GRIA4: variants seen among roughly 807,000 people sequenced by gnomAD.
GRIA4 encodes glutamate ionotropic receptor AMPA type subunit 4.
GRIA4 carries 34 observed loss-of-function variants against 104.0 expected under a neutral mutation model. The observed-to-expected ratio is 0.33, with a 90% confidence interval of 0.25 to 0.44. The LOEUF (loss-of-function observed/expected upper bound fraction) is 0.44. GRIA4 is among the 20% of genes least tolerant of loss of function. The pLI is 1.00. For missense variants in GRIA4, 750 were observed against 1,096.5 expected (o/e 0.68, Z 4.46); for synonymous variants, 386 against 381.9 (o/e 1.01, Z -0.13).
intron 3 of GRIA4, among the ~76,000 whole-genome samples, chr11:105,704,331 C>T (rs1484232412): frequency 1.3e-5 from 2 of 151,920 alleles, no homozygotes; most frequent in Non-Finnish European, 2.9e-5. Flanking sequence ...TGAAAGATGG[C>T]TAAGAATTGA....
chr11:105,812,890 A>G (rs1241979541), intron 4 of GRIA4, among the ~76,000 whole-genome samples: 1 of 152,108 alleles, frequency 6.6e-6, no homozygotes, highest in African/African-American at 2.4e-5. Context: ...TCACGAGGTC[A>G]GGAGATCGAG....
At chr11:105,949,801 G>A (rs1025110552) in intron 14 of GRIA4, among the ~76,000 whole-genome samples, 10 of 152,276 alleles carry the variant, frequency 6.6e-5, no homozygotes, top group African/African-American at 2.2e-4. Flanking sequence ...ATATAGTTAG[G>A]ACTATAAGGA....
intron 3 of GRIA4, among the ~76,000 whole-genome samples, chr11:105,622,165 C>A (rs1052913383): frequency 2.0e-5 from 3 of 151,690 alleles, no homozygotes; most frequent in African/African-American, 7.3e-5. Flanking sequence ...TTTGTTTAGT[C>A]AAACTTGTGA....
At chr11:105,753,557 T>C (rs540035837) in intron 4 of GRIA4, among the ~76,000 whole-genome samples, 1 of 152,078 alleles carries the variant, frequency 6.6e-6, no homozygotes, top group South Asian at 2.1e-4. Context: ...TGTGTGGAGG[T>C]TATTCCCATA....
chr11:105,858,084 A>G (rs1401014626), intron 4 of GRIA4, among the ~76,000 whole-genome samples: 1 of 152,138 alleles, frequency 6.6e-6, no homozygotes, highest in African/African-American at 2.4e-5. Context: ...TGATATCATA[A>G]CACTTAAAAA....
chr11:105,868,980 A>T (rs948364762), intron 5 of GRIA4, among the ~76,000 whole-genome samples: 2 of 152,146 alleles, frequency 1.3e-5, no homozygotes, highest in African/African-American at 4.8e-5. Context: ...AAGTCCTATT[A>T]TGATGCACTA....
intron 6 of GRIA4, among the ~76,000 whole-genome samples, chr11:105,889,515 C>T (rs1946388406): frequency 6.6e-6 from 1 of 151,832 alleles, no homozygotes; most frequent in Non-Finnish European, 1.5e-5. Flanking sequence ...TTGAGCCAAT[C>T]AACAACTATT....
chr11:105,900,360 G>C (rs1319786372), intron 7 of GRIA4, among the ~76,000 whole-genome samples: 1 of 151,872 alleles, frequency 6.6e-6, no homozygotes, highest in Non-Finnish European at 1.5e-5. Context: ...CATTCTATAG[G>C]CCAATCAGGC....
chr11:105,851,604 G>C (rs558190759), intron 4 of GRIA4, among the ~76,000 whole-genome samples: 16 of 152,224 alleles, frequency 1.1e-4, no homozygotes, highest in Non-Finnish European at 2.2e-4. Context: ...GAAGTTGCCA[G>C]TGAGTGTAGG....
At chr11:105,883,240 C>G (rs1946128816) in intron 5 of GRIA4, among the ~76,000 whole-genome samples, 1 of 151,516 alleles carries the variant, frequency 6.6e-6, no homozygotes, top group African/African-American at 2.4e-5. Context: ...GAACTCTAAA[C>G]AGACGATCAT....
In GRIA4 at chr11:105,612,756, G is replaced by A. The variant is rs1175020409; in HGVS notation, c.247+322G>A. ...CATTTTAGTGTTATTCCTATCATCC[G>A]AATGTCAATTTAGTGAAAATTGTAC... On this transcript the variant is annotated intron_variant, in intron 3 of 16. Coordinates refer to ENST00000282499, the MANE Select transcript of GRIA4 (RefSeq NM_000829.4). 4 of 217,106 alleles carry A rather than the reference G, an allele frequency of 1.8e-5. No homozygotes were observed. In the East Asian group the frequency reaches 3.0e-4, roughly 16 times the overall value. The allele number at this position is 217,106 out of a possible 1,614,324, so 13.4% of individuals were successfully genotyped here.
At chr11:105,934,960 T>C (rs1947990151) in intron 14 of GRIA4, among the ~76,000 whole-genome samples, 1 of 152,160 alleles carries the variant, frequency 6.6e-6, no homozygotes, top group African/African-American at 2.4e-5. Flanking sequence ...ACCAAGAACC[T>C]GATCTTAAAA....
intron 4 of GRIA4, among the ~76,000 whole-genome samples, chr11:105,780,181 C>T (rs1417532200): frequency 6.6e-6 from 1 of 151,986 alleles, no homozygotes; most frequent in East Asian, 1.9e-4. Context: ...TTACTGCCTA[C>T]TAAGAACAGG....
chr11:105,868,598 GC>G (rs1200164180), intron 5 of GRIA4, among the ~76,000 whole-genome samples: 1 of 152,108 alleles, frequency 6.6e-6, no homozygotes, highest in African/African-American at 2.4e-5. Flanking sequence ...TACCTGGGAG[GC>G]TTTCTTGTCC....
At chr11:105,649,480 G>C (rs1417404660) in intron 3 of GRIA4, among the ~76,000 whole-genome samples, 1 of 152,050 alleles carries the variant, frequency 6.6e-6, no homozygotes, top group African/African-American at 2.4e-5. Flanking sequence ...AATTCTATTT[G>C]ATAGACAAGG....
chr11:105,914,471 T>C (rs1479583331), intron 10 of GRIA4, among the ~76,000 whole-genome samples: 1 of 152,252 alleles, frequency 6.6e-6, no homozygotes, highest in East Asian at 1.9e-4. Context: ...TAGTTCCACT[T>C]TTGCTAAATG....
At chr11:105,725,575 T>C (rs890698483) in intron 3 of GRIA4, among the ~76,000 whole-genome samples, 2 of 152,080 alleles carry the variant, frequency 1.3e-5, no homozygotes, top group African/African-American at 4.8e-5. Context: ...GAATCATTAA[T>C]TAAAAGAAGG....
At chr11:105,950,724 C>T (rs1013654655) in intron 14 of GRIA4, among the ~76,000 whole-genome samples, 1 of 152,090 alleles carries the variant, frequency 6.6e-6, no homozygotes, top group African/African-American at 2.4e-5. Context: ...AGTTTTTTCT[C>T]AGCTCAAGGA....
At chr11:105,664,518 G>A (rs941834825) in intron 3 of GRIA4, among the ~76,000 whole-genome samples, 11 of 151,716 alleles carry the variant, frequency 7.3e-5, no homozygotes, top group Admixed American at 2.0e-4. Flanking sequence ...AGGAGATAAC[G>A]TTAGTTCTAT....
Sources: allele counts gnomAD v4.1 joint callset (sites outside exome capture counted in the v4.1 genomes callset), GRCh38; gene constraint gnomAD v4.1.1; transcripts MANE v1.5; gene names NCBI Gene and HGNC (gene_info 2026-07-23, HGNC 2026-07-21).